Variants in SFMBT2 observed in about 807,000 individuals in gnomAD.
SFMBT2 encodes the protein Scm like with four mbt domains 2.
In SFMBT2, 38 loss-of-function variants were observed where a neutral mutation model predicts 110.1. The ratio of observed to expected loss-of-function variants is 0.35; its 90% CI spans 0.27 to 0.45. SFMBT2 has a LOEUF of 0.45. Ranked by LOEUF, SFMBT2 falls within the 20% of genes least tolerant of loss-of-function variation. SFMBT2 has a pLI of 1.00. For missense variants in SFMBT2, 1,011 were observed against 1,094.9 expected (o/e 0.92, Z 1.08); for synonymous variants, 425 against 425.4 (o/e 1.00, Z 0.01).
At chr10:7,182,569 G>A (rs1406955564) in intron 16 of SFMBT2, among the ~76,000 whole-genome samples, 5 of 152,038 alleles carry the variant, frequency 3.3e-5, no homozygotes, top group Non-Finnish European at 7.4e-5. Flanking sequence ...CCTTGGTAGG[G>A]ACATGGATGA....
intron 4 of SFMBT2, among the ~76,000 whole-genome samples, chr10:7,351,532 AC>A (rs970940572): frequency 6.6e-6 from 1 of 152,228 alleles, no homozygotes; most frequent in African/African-American, 2.4e-5. Flanking sequence ...CCAGGTTCGC[AC>A]GTTTAATTAA....
At chr10:7,343,005 G>A (rs1843980296) in intron 4 of SFMBT2, among the ~76,000 whole-genome samples, 1 of 152,296 alleles carries the variant, frequency 6.6e-6, no homozygotes, top group African/African-American at 2.4e-5. Context: ...CCTAGTACCT[G>A]ATAGGTAGTT....
intron 2 of SFMBT2, among the ~76,000 whole-genome samples, chr10:7,377,308 G>C (rs1231376354): frequency 1.3e-5 from 2 of 152,064 alleles, no homozygotes; most frequent in Admixed American, 1.3e-4. Context: ...GTAACACAGT[G>C]GTCCCCAACC....
At position 7,223,355 on chromosome 10, in the gene SFMBT2, G is replaced by A. The variant is rs551051857; in HGVS notation, c.1204-2818C>T. 1.6e-3 allele frequency among the ~76,000 whole-genome samples: 242 copies of A among 152,156 alleles called. 2 individuals carry two copies. The highest frequency in any genetic ancestry group is 5.4e-3 in the African/African-American group (224 of 41,510). The stretch of plus-strand genomic sequence containing the variant: ...TAGGTATCTAGTGGTGTCTCACGGT[G>A]GTGTTAGCTTGCATTTGCCCTGCTG... On this transcript the variant is annotated intron_variant, in intron 10 of 20. Coordinates refer to ENST00000397167, the MANE Select transcript of SFMBT2 (RefSeq NM_001387889.1).
intron 16 of SFMBT2, among the ~76,000 whole-genome samples, chr10:7,186,388 T>C (rs375269954): frequency 6.6e-6 from 1 of 151,208 alleles, no homozygotes; most frequent in Non-Finnish European, 1.5e-5. Context: ...ATATGACATA[T>C]ATATACATAC....
intron 7 of SFMBT2, among the ~76,000 whole-genome samples, chr10:7,255,372 T>C (rs1245672057): frequency 6.6e-6 from 1 of 152,226 alleles, no homozygotes; most frequent in Non-Finnish European, 1.5e-5. Flanking sequence ...TCAGGATATA[T>C]TACTAAGTCC....
At chr10:7,261,469 T>C (rs774480133) in intron 7 of SFMBT2, among the ~76,000 whole-genome samples, 17 of 152,180 alleles carry the variant, frequency 1.1e-4, no homozygotes, top group Non-Finnish European at 2.5e-4. Flanking sequence ...TGACTGAGGA[T>C]CAGGGAGTGC....
At chr10:7,315,111 A>AAAGC (rs138965461) in intron 4 of SFMBT2, among the ~76,000 whole-genome samples, 1 of 130,420 alleles carries the variant, frequency 7.7e-6, no homozygotes, top group African/African-American at 2.7e-5. Context: ...AAAGAAAGAA[A>AAAGC]AAGCAAGCAA....
At chr10:7,361,707 A>G (rs745732881) in intron 4 of SFMBT2, among the ~76,000 whole-genome samples, 2 of 152,218 alleles carry the variant, frequency 1.3e-5, no homozygotes, top group Non-Finnish European at 2.9e-5. Flanking sequence ...ATAACGGGGA[A>G]AATAAAAATT....
At chr10:7,201,908 C>G (rs150234764) in intron 13 of SFMBT2, among the ~76,000 whole-genome samples, 1 of 152,208 alleles carries the variant, frequency 6.6e-6, no homozygotes, top group Non-Finnish European at 1.5e-5. Context: ...GTTCAGCCTA[C>G]AACTTAAGGC....
chr10:7,397,488 T>C (rs1845958439), intron 1 of SFMBT2, among the ~76,000 whole-genome samples: 1 of 151,968 alleles, frequency 6.6e-6, no homozygotes, highest in Admixed American at 6.5e-5. Context: ...CCCTTGGAAA[T>C]CTAGCACGTC....
intron 4 of SFMBT2, among the ~76,000 whole-genome samples, chr10:7,291,685 G>A (rs1392436572): frequency 6.6e-6 from 1 of 152,210 alleles, no homozygotes; most frequent in African/African-American, 2.4e-5. Flanking sequence ...AGACGGGTCT[G>A]ACTCAGAGAG....
intron 4 of SFMBT2, among the ~76,000 whole-genome samples, chr10:7,308,335 G>A (rs1842753656): frequency 6.6e-6 from 1 of 152,076 alleles, no homozygotes; most frequent in African/African-American, 2.4e-5. Flanking sequence ...ACTCTCCAGA[G>A]CGATGGAGAG....
chr10:7,172,227 G>A lies in SFMBT2; in HGVS notation c.2152-69C>T. On this transcript the variant is annotated intron_variant, in intron 18 of 20. Coordinates refer to ENST00000397167, the MANE Select transcript of SFMBT2 (RefSeq NM_001387889.1). The surrounding 1 kb of genome is among the most constrained non-coding windows in gnomAD (Gnocchi z 4.6). The stretch of plus-strand genomic sequence containing the variant: ...GCCTGTAGCGGTGGCCCCGCGGTCA[G>A]ACCCTGGGCCCAGTGCAGACCACCT... 6.7e-7 allele frequency: 1 copy of A among 1,499,222 alleles called. No homozygotes were observed. The highest frequency in any genetic ancestry group is 8.9e-7 in the Non-Finnish European group (1 of 1,125,518). The allele number at this position is 1,499,222 out of a possible 1,614,324, so 92.9% of individuals were successfully genotyped here. A position where few individuals can be genotyped will look rare whatever the true frequency, so the allele number is the denominator to read the frequency against.
intron 4 of SFMBT2, among the ~76,000 whole-genome samples, chr10:7,289,963 CA>C (rs1842214442): frequency 6.6e-6 from 1 of 152,180 alleles, no homozygotes; most frequent in Non-Finnish European, 1.5e-5. Context: ...CTTTATTCTG[CA>C]GCACGTCTCT....
At chr10:7,291,560 A>G (rs748113902) in intron 4 of SFMBT2, among the ~76,000 whole-genome samples, 1 of 152,024 alleles carries the variant, frequency 6.6e-6, no homozygotes, top group Non-Finnish European at 1.5e-5. Flanking sequence ...TTGTTTCTTC[A>G]TCTCATCCTG....
chr10:7,331,725 G>A (rs1843564013), intron 4 of SFMBT2, among the ~76,000 whole-genome samples: 1 of 152,026 alleles, frequency 6.6e-6, no homozygotes, highest in Admixed American at 6.5e-5. Context: ...CTTCACATGG[G>A]ACCCTGTGCG....
chr10:7,176,319 GAT>G (rs1196388732), intron 16 of SFMBT2, among the ~76,000 whole-genome samples, 154 bp from the exon 17 acceptor site: 2 of 152,184 alleles, frequency 1.3e-5, no homozygotes, highest in African/African-American at 4.8e-5. Flanking sequence ...TTCTCACAGA[GAT>G]ATTTATAAGA....
At chr10:7,223,470 G>A (rs1194369281) in intron 10 of SFMBT2, among the ~76,000 whole-genome samples, 1 of 151,902 alleles carries the variant, frequency 6.6e-6, no homozygotes, top group African/African-American at 2.4e-5. Flanking sequence ...CCTCTTTTGG[G>A]TCTTCAATTC....
Sources: allele counts gnomAD v4.1 joint callset (sites outside exome capture counted in the v4.1 genomes callset), GRCh38; gene constraint gnomAD v4.1.1; non-coding constraint Gnocchi (gnomAD v3.1); transcripts MANE v1.5; gene names NCBI Gene and HGNC (gene_info 2026-07-23, HGNC 2026-07-21).